Variants in YEATS2 observed in about 807,000 individuals in gnomAD.
The protein encoded by YEATS2 is YEATS domain-containing protein 2.
YEATS2 carries 77 observed loss-of-function variants against 163.2 expected under a neutral mutation model. That is an observed-to-expected ratio of 0.47 (90% CI 0.39 to 0.57). The LOEUF (loss-of-function observed/expected upper bound fraction) is 0.57. Among genes scored for constraint, YEATS2 ranks in the 20% least tolerant of loss-of-function variants. The pLI, the probability that YEATS2 is intolerant of heterozygous loss-of-function variation, is 0.00. For missense variants in YEATS2, 1,549 were observed against 1,729.8 expected, an observed-to-expected ratio of 0.90 and a Z score of 1.85; for synonymous variants, 631 against 645.1, an observed-to-expected ratio of 0.98 and a Z score of 0.33.
intron 15 of YEATS2, among the ~76,000 whole-genome samples, chr3:183,768,856 C>T (rs1446897810): frequency 6.6e-6 from 1 of 152,156 alleles, no homozygotes; most frequent in African/African-American, 2.4e-5. Flanking sequence ...CCCATAATCC[C>T]AGCTACTCAG....
At chr3:183,743,177 G>A (rs1432877863) in intron 8 of YEATS2, among the ~76,000 whole-genome samples, 1 of 152,104 alleles carries the variant, frequency 6.6e-6, no homozygotes, top group African/African-American at 2.4e-5. Context: ...GTATAAAACT[G>A]TATGTACATG....
Position 183,773,733 on chromosome 3 carries a change from A to G in YEATS2, c.2307A>G (p.Ser769=), listed in dbSNP as rs751634522. The G allele has an allele frequency of 6.2e-7, 1 of 1,613,618 alleles. No homozygotes were observed. The highest frequency in any genetic ancestry group is 8.5e-7 in the Non-Finnish European group (1 of 1,179,850). The change falls in exon 17 of 31, where the codon TCA becomes TCG. Residue 769 remains serine, a synonymous_variant. Transcript: ENST00000305135. ...TAACTACAAACAGCAAGAACCCTTC[A>G]GGAAAAGGAAAACTGCTGCTGATCC... ...LYLTTNSKNP[S]GKGKLLLIPQ...
At chr3:183,793,609 CTTT>C (rs35098553) in intron 21 of YEATS2, 72 of 109,580 alleles carry the variant, frequency 6.6e-4, no homozygotes, top group South Asian at 2.5e-3. Flanking sequence ...TTCTTTCTTT[CTTT>C]TTTTTTTTTT....
chr3:183,723,095 A>G (rs902676166), intron 5 of YEATS2, among the ~76,000 whole-genome samples: 9 of 152,250 alleles, frequency 5.9e-5, no homozygotes, highest in Non-Finnish European at 1.3e-4. Flanking sequence ...TGTCGTGTTT[A>G]TTCTCTCGAG....
chr3:183,752,043 C>T (rs764513806), intron 9 of YEATS2, 30 bp from the exon 10 acceptor site: 4 of 1,612,300 alleles, frequency 2.5e-6, no homozygotes, highest in South Asian at 1.1e-5. Context: ...ATGATGGACT[C>T]ATGAGCCTGA....
intron 15 of YEATS2, among the ~76,000 whole-genome samples, chr3:183,764,460 G>A (rs1335194914): frequency 6.8e-6 from 1 of 146,982 alleles, no homozygotes; most frequent in Non-Finnish European, 1.5e-5. Context: ...ATTGTTTTAA[G>A]AATAGCCCAA....
At chr3:183,803,101 C>T (rs1435912104) in intron 25 of YEATS2, 155 bp from the exon 26 acceptor site, 8 of 707,536 alleles carry the variant, frequency 1.1e-5, no homozygotes, top group Middle Eastern at 4.0e-4. Context: ...TCTGAGGAGA[C>T]GCCCTCCTGT....
In YEATS2 at chr3:183,780,020, A is replaced by G. The variant is rs13068635; in HGVS notation, c.2736+2320A>G. Among the ~76,000 whole-genome samples, 6 of 108,874 alleles carry G rather than the reference A, an allele frequency of 5.5e-5. No individual in the cohort carries two copies. In the East Asian group the frequency reaches 1.6e-3, roughly 28 times the overall value. 71.4% of individuals were successfully genotyped at this position (108,874 alleles called of 152,430 possible). A position where few individuals can be genotyped will look rare whatever the true frequency, so the allele number is the denominator to read the frequency against. On this transcript the variant is annotated intron_variant, in intron 19 of 30. Coordinates refer to ENST00000305135, the MANE Select transcript of YEATS2 (RefSeq NM_018023.5). ...CTTTACTTTTTTTTTTTTTTTTTTT[A>G]ATTTTTTATCTTTCTGACTCAAGAT...
chr3:183,754,487 C>A, intron 11 of YEATS2, 122 bp downstream of exon 11: 1 of 1,332,200 alleles, frequency 7.5e-7, no homozygotes, highest in East Asian at 2.5e-5. Flanking sequence ...TTATGTTTAA[C>A]AAAAGGAAGT....
At chr3:183,730,052 G>GTTTGTTTGTTTT (rs1560244258) in intron 7 of YEATS2, among the ~76,000 whole-genome samples, 2 of 41,718 alleles carry the variant, frequency 4.8e-5, no homozygotes, top group African/African-American at 1.6e-4. Context: ...TTTTTTGTTT[G>GTTTGTTTGTTTT]TTTTTTTTTT....
chr3:183,701,968 A>C (rs970865795), intron 1 of YEATS2, among the ~76,000 whole-genome samples: 7 of 152,168 alleles, frequency 4.6e-5, no homozygotes, highest in African/African-American at 1.7e-4. Context: ...CAGTCATCAA[A>C]GTTCACATGC....
At chr3:183,785,027 C>A (rs1202169219) in intron 19 of YEATS2, among the ~76,000 whole-genome samples, 1 of 149,088 alleles carries the variant, frequency 6.7e-6, no homozygotes, top group African/African-American at 2.5e-5. Flanking sequence ...GAGCCAAGAT[C>A]GCACCACTGC....
chr3:183,745,266 C>T (rs768015755), intron 8 of YEATS2, among the ~76,000 whole-genome samples: 8 of 152,198 alleles, frequency 5.3e-5, no homozygotes, highest in Non-Finnish European at 8.8e-5. Context: ...TGCTTAAAAC[C>T]GCAGAACCTT....
chr3:183,728,542 C>G (rs2109101447), intron 6 of YEATS2, 148 bp from the exon 7 acceptor site: 2 of 677,524 alleles, frequency 3.0e-6, no homozygotes, highest in Middle Eastern at 4.4e-4. Context: ...GATTAACTTG[C>G]AAAGACTCAT....
At chr3:183,754,979 T>C (rs1720561931) in intron 11 of YEATS2, among the ~76,000 whole-genome samples, 1 of 152,140 alleles carries the variant, frequency 6.6e-6, no homozygotes, top group South Asian at 2.1e-4. Flanking sequence ...CAATTGGAAA[T>C]AACCAGGAAG....
chr3:183,748,489 C>A (rs1372864094), intron 9 of YEATS2, among the ~76,000 whole-genome samples: 1 of 152,050 alleles, frequency 6.6e-6, no homozygotes, highest in Admixed American at 6.6e-5. Flanking sequence ...TGACTGCTCT[C>A]GAACTGCCTG....
chr3:183,781,430 GGAT>G (rs1406678241), intron 19 of YEATS2, among the ~76,000 whole-genome samples: 1 of 152,178 alleles, frequency 6.6e-6, no homozygotes, highest in Admixed American at 6.5e-5. Flanking sequence ...TTGACAGATT[GGAT>G]GATGTCTGCC....
At chr3:183,749,936 G>C (rs1481039083) in intron 9 of YEATS2, among the ~76,000 whole-genome samples, 1 of 152,060 alleles carries the variant, frequency 6.6e-6, no homozygotes, top group South Asian at 2.1e-4. Context: ...TCCTGCCTCA[G>C]CCTCCTGAGT....
intron 26 of YEATS2, 200 bp downstream of exon 26, chr3:183,803,535 TCA>T (rs1197178594): frequency 5.0e-6 from 3 of 605,848 alleles, no homozygotes; most frequent in Admixed American, 3.0e-5. Flanking sequence ...GAAACATCCC[TCA>T]CAGTTTCTAA....
Sources: allele counts gnomAD v4.1 joint callset (sites outside exome capture counted in the v4.1 genomes callset), GRCh38; gene constraint gnomAD v4.1.1; transcripts MANE v1.5; gene names NCBI Gene and HGNC (gene_info 2026-07-23, HGNC 2026-07-21).